Variants in USP33 observed in about 807,000 individuals in gnomAD.
USP33 encodes the protein ubiquitin carboxyl-terminal hydrolase 33.
In USP33, 46 loss-of-function variants were observed where a neutral mutation model predicts 124.2. That is an observed-to-expected ratio of 0.37 (90% CI 0.29 to 0.47). The LOEUF (loss-of-function observed/expected upper bound fraction) is 0.47, where lower values mean the gene tolerates loss of function less well. Among genes scored for constraint, USP33 ranks in the 20% least tolerant of loss-of-function variants. USP33 has a pLI of 0.99. For synonymous variants in USP33, 350 were observed against 352.3 expected (o/e 0.99, Z 0.07); for missense variants, 851 against 1,070.6 (o/e 0.79, Z 2.86).
intron 1 of USP33, among the ~76,000 whole-genome samples, chr1:77,757,992 C>T (rs1680958234): frequency 6.6e-6 from 1 of 151,950 alleles, no homozygotes. Context: ...AATCTAATGT[C>T]ATTAAACTGC....
chr1:77,750,834 A>T (rs994724689), intron 1 of USP33, among the ~76,000 whole-genome samples: 2 of 144,636 alleles, frequency 1.4e-5, no homozygotes, highest in Non-Finnish European at 3.0e-5. Context: ...AAGGTAATAA[A>T]ATCATTCTTT....
rs1336304396 is a variant in USP33, at chr1:77,736,077, C to G, written c.433G>C (p.Glu145Gln). The G allele has an allele frequency of 6.2e-7, 1 of 1,612,016 alleles. No homozygotes were observed. Among genetic ancestry groups the G allele is most frequent in the South Asian group, 1.1e-5 (1 of 90,586 alleles). Residue 145 changes from glutamate (E) to glutamine (Q), a missense_variant, in exon 6 of 24, where the codon GAA becomes CAA. Glu to Gln is a conservative substitution (Grantham distance 29). Around this residue, in one of 4 missense-constraint regions of USP33, gnomAD observed 221 missense variants for 302.9 expected, o/e 0.73. Coordinates refer to ENST00000370794, the MANE Select transcript of USP33 (RefSeq NM_201624.3). ...TTACCTCTGGCCCTAAGTTCATCTT[C>G]TTCATCCGCTTCTATATCCAGATCA... ...FDDLDIEADEEDELRARGLTG... is the reference protein window; with the variant it reads ...FDDLDIEADEQDELRARGLTG...
chr1:77,741,408 C>T lies in USP33; in HGVS notation c.103G>A (p.Val35Ile). The part of the protein sequence containing the change: ...KSLGTCQDCK[V>I]QGPNLWACLE... Reference sequence around the variant, plus strand: ...CATGCCCAAAGATTTGGTCCTTGGACTTTACAATCCTGACAAGTACCCTAT... The same window carrying T: ...CATGCCCAAAGATTTGGTCCTTGGATTTTACAATCCTGACAAGTACCCTAT... The change falls in exon 3 of 24, where the codon GTC becomes ATC. Residue 35 changes from valine to isoleucine, a missense_variant. By Grantham distance (29) the Val-to-Ile change is conservative. Transcript: ENST00000370794. 6.2e-7 allele frequency: 1 copy of T among 1,609,860 alleles called. No homozygotes were observed. The highest frequency in any genetic ancestry group is 8.5e-7 in the Non-Finnish European group (1 of 1,179,002).
chr1:77,713,261 C>A lies in USP33; in HGVS notation c.2236G>T (p.Gly746Cys). 1 of 1,571,590 alleles carries A rather than the reference C, an allele frequency of 6.4e-7. No individual in the cohort carries two copies. The change falls in exon 20 of 24, where the codon GGT (glycine) becomes TGT (cysteine). Residue 746 changes from glycine (G) to cysteine (C), a missense_variant. Around this residue, in one of 4 missense-constraint regions of USP33, gnomAD observed 281 missense variants for 425.0 expected, o/e 0.66. Coordinates refer to ENST00000370794, the MANE Select transcript of USP33 (RefSeq NM_201624.3). The part of the protein sequence containing the change: ...IHGGVPPRKA[G>C]YIEDLVLMLP... ...ATCAAAACCAGGTCTTCAATATAAC[C>A]AGCTTTTCTTGGAGGAACACCTAAA...
intron 6 of USP33, among the ~76,000 whole-genome samples, chr1:77,735,133 G>T (rs1026120181): frequency 3.5e-4 from 50 of 143,410 alleles, no homozygotes; most frequent in Non-Finnish European, 6.1e-5. Context: ...AAAAAAAAAA[G>T]AAAAAAAGAA....
At chr1:77,734,440 A>T (rs545915909) in intron 6 of USP33, 24 bp from the exon 7 acceptor site, 1 of 1,454,340 alleles carries the variant, frequency 6.9e-7, no homozygotes, top group South Asian at 1.2e-5. Flanking sequence ...ATATACATGA[A>T]GTCATCATTC....
intron 21 of USP33, among the ~76,000 whole-genome samples, chr1:77,705,100 AAC>A (rs1231791358): frequency 7.0e-6 from 1 of 143,606 alleles, no homozygotes; most frequent in Non-Finnish European, 1.5e-5. Flanking sequence ...TATTTCTGTT[AAC>A]ACAAATGCTT....
intron 1 of USP33, among the ~76,000 whole-genome samples, chr1:77,750,135 T>C (rs1218652870): frequency 1.3e-5 from 2 of 152,068 alleles, no homozygotes; most frequent in Admixed American, 6.6e-5. Context: ...CTGGCCAACA[T>C]GGCAAAACCC....
chr1:77,739,270 C>T lies in USP33; in HGVS notation c.346G>A (p.Val116Ile). The change falls in exon 5 of 24, where the codon GTC (valine) becomes ATC (isoleucine). Residue 116 changes from valine (V) to isoleucine (I), a missense_variant. Physicochemically the swap from Val to Ile is conservative, Grantham distance 29 (BLOSUM62 3). Around this residue, in one of 4 missense-constraint regions of USP33, gnomAD observed 221 missense variants for 302.9 expected, o/e 0.73. Coordinates refer to ENST00000370794, the MANE Select transcript of USP33 (RefSeq NM_201624.3). Reference protein sequence around the residue: ...RQPHQIQENSVQDFKIPSNTT... With the variant: ...RQPHQIQENSIQDFKIPSNTT... ...AAGTGGATCTAGATTATTACCTGGA[C>T]ACTGTTTTCTTGTATTTGGTGAGGT... 6.2e-7 allele frequency: 1 copy of T among 1,610,618 alleles called. No homozygotes were observed. The highest frequency in any genetic ancestry group is 1.1e-5 in the South Asian group (1 of 90,174).
chr1:77,700,123 T>C (rs999596427), intron 22 of USP33, among the ~76,000 whole-genome samples: 4 of 152,162 alleles, frequency 2.6e-5, no homozygotes, highest in Admixed American at 6.5e-5. Flanking sequence ...AATGGGTTGA[T>C]AGGTGGAGCA....
At chr1:77,698,068 C>CT (rs371568762) in intron 22 of USP33, 137 bp from the exon 23 acceptor site, 26,916 of 426,914 alleles carry the variant, frequency 0.063, 170 homozygotes, top group South Asian at 0.12. Context: ...ATAGTTAATT[C>CT]TTTTTTTTTT....
intron 21 of USP33, among the ~76,000 whole-genome samples, chr1:77,703,391 GC>G (rs1237525347): frequency 6.6e-6 from 1 of 151,998 alleles, no homozygotes; most frequent in Admixed American, 6.6e-5. Flanking sequence ...ACTTTGGAAG[GC>G]CAAGGCAGAT....
At chr1:77,734,201 C>T (rs988841809) in intron 7 of USP33, 146 bp downstream of exon 7, 7 of 633,972 alleles carry the variant, frequency 1.1e-5, no homozygotes, top group Admixed American at 6.6e-5. Flanking sequence ...AGAGTAACAT[C>T]GTTGGGACAA....
At chr1:77,708,428 T>C (rs905198326) in intron 21 of USP33, among the ~76,000 whole-genome samples, 1 of 152,234 alleles carries the variant, frequency 6.6e-6, no homozygotes, top group African/African-American at 2.4e-5. Context: ...CTTAGTATTG[T>C]ATGCAGCTAA....
At position 77,722,071 on chromosome 1, in the gene USP33, T is replaced by C. The variant is rs1292349477; in HGVS notation, c.1515A>G (p.Ala505=). The change falls in exon 13 of 24, where the codon GCA becomes GCG. Residue 505 remains alanine (A), a synonymous_variant. Coordinates refer to ENST00000370794, the MANE Select transcript of USP33 (RefSeq NM_201624.3). ...SIVKAGSCGE[A]YAPQGWIAFF... is the part of the protein sequence containing the mutation. ...AAGCTATCCACCCTTGTGGAGCATA[T>C]GCTTCGCCACATGATCCTGCTTTGA... The C allele has an allele frequency of 4.3e-6, 7 of 1,613,990 alleles. No individual in the cohort carries two copies. In the East Asian group the frequency reaches 1.3e-4, roughly 31 times the overall value.
intron 21 of USP33, among the ~76,000 whole-genome samples, chr1:77,708,964 C>T (rs1056907305): frequency 1.3e-5 from 2 of 152,092 alleles, no homozygotes; most frequent in African/African-American, 4.8e-5. Context: ...GGAACTTACA[C>T]ACCAGCACAC....
Position 77,723,197 on chromosome 1 carries a change from G to T in USP33, c.1389+134C>A, listed in dbSNP as rs900169267. ...CTACACCTAGAATCAAATTTGTGTT[G>T]ATGTAAACACAATAAATGCATGTAT... On this transcript the variant is annotated intron_variant, in intron 12 of 23. Transcript: ENST00000370794. 10 of 719,526 alleles carry T rather than the reference G, an allele frequency of 1.4e-5. No homozygotes were observed. The African/African-American group carries it at 1.8e-4, about 13-fold the overall frequency. The allele number at this position is 719,526 out of a possible 1,614,324, so 44.6% of individuals were successfully genotyped here. A position where few individuals can be genotyped will look rare whatever the true frequency, so the allele number is the denominator to read the frequency against.
intron 21 of USP33, among the ~76,000 whole-genome samples, chr1:77,705,127 A>AGGG (rs11418255): frequency 9.2e-4 from 128 of 139,720 alleles, no homozygotes; most frequent in Non-Finnish European, 1.1e-3. Context: ...TAAAAAAAAA[A>AGGG]GGGGGGGGGC....
intron 1 of USP33, among the ~76,000 whole-genome samples, chr1:77,753,501 G>A (rs1680533466): frequency 1.3e-5 from 2 of 152,114 alleles, no homozygotes; most frequent in South Asian, 4.1e-4. Flanking sequence ...CAATCTTAAT[G>A]TTCGCATAAA....
Sources: allele counts gnomAD v4.1 joint callset (sites outside exome capture counted in the v4.1 genomes callset), GRCh38; gene constraint gnomAD v4.1.1; regional missense constraint gnomAD v4.1.1; transcripts MANE v1.5; gene names NCBI Gene and HGNC (gene_info 2026-07-23, HGNC 2026-07-21).